Variants in VWA3A observed in about 807,000 individuals in gnomAD.
VWA3A encodes the protein von Willebrand factor A domain-containing protein 3A.
In VWA3A, 134 loss-of-function variants were observed where a neutral mutation model predicts 160.4. The observed-to-expected ratio is 0.84, with a 90% confidence interval of 0.73 to 0.96. The LOEUF is 0.96. VWA3A is among the 40% of genes least tolerant of loss of function. The pLI is 0.00. For synonymous variants in VWA3A, 476 were observed against 543.4 expected (o/e 0.88, Z 1.72); for missense variants, 1,310 against 1,447.9 (o/e 0.90, Z 1.55).
intron 24 of VWA3A, among the ~76,000 whole-genome samples, chr16:22,142,351 G>T (rs2046165671): frequency 6.6e-6 from 1 of 152,122 alleles, no homozygotes; most frequent in African/African-American, 2.4e-5. Flanking sequence ...AGAGCTTCAG[G>T]CTGCTTCCAC....
intron 12 of VWA3A, among the ~76,000 whole-genome samples, chr16:22,120,348 C>T (rs974806238): frequency 5.9e-5 from 9 of 152,084 alleles, no homozygotes; most frequent in Admixed American, 5.9e-4. Flanking sequence ...TTAAAACTAG[C>T]TCATTATGGT....
At chr16:22,109,378 AG>A in intron 6 of VWA3A, 103 bp from the exon 7 acceptor site, 1 of 906,726 alleles carries the variant, frequency 1.1e-6, no homozygotes, top group South Asian at 1.5e-5. Flanking sequence ...GCTGCTTGTT[AG>A]GGGTGAGGAA....
intron 25 of VWA3A, among the ~76,000 whole-genome samples, chr16:22,143,871 G>A (rs2046199106): frequency 6.6e-6 from 1 of 151,526 alleles, no homozygotes; most frequent in African/African-American, 2.4e-5. Flanking sequence ...CTCCCAAGTA[G>A]CTGGGATTAC....
chr16:22,146,157 T>G (rs1325328548), intron 26 of VWA3A, 79 bp from the exon 27 acceptor site: 2 of 1,164,638 alleles, frequency 1.7e-6, no homozygotes, highest in East Asian at 5.1e-5. Context: ...CACAATGGAA[T>G]AAACAATTTT....
At position 22,118,936 on chromosome 16, in the gene VWA3A, C is replaced by A. The variant is rs748669771; in HGVS notation, c.1025C>A (p.Ala342Glu). The change falls in exon 12 of 34, where the codon GCA (alanine) becomes GAA (glutamate). Residue 342 changes from alanine to glutamate, a missense_variant. Coordinates refer to ENST00000389398, the MANE Select transcript of VWA3A (RefSeq NM_173615.5). The part of the protein sequence containing the change: ...YTSRDMDELL[A>E]EIQKAQSLLS... ...AGCCGGGACATGGATGAGCTCCTGG[C>A]AGAAATTCAGAAGGCCCAGAGCCTC... 4.3e-6 allele frequency: 7 copies of A among 1,613,826 alleles called. No individual in the cohort carries two copies. In the Admixed American group the frequency reaches 6.7e-5, roughly 15 times the overall value.
At chr16:22,125,568 C>T (rs553976125) in intron 16 of VWA3A, among the ~76,000 whole-genome samples, 79 of 151,960 alleles carry the variant, frequency 5.2e-4, no homozygotes, top group African/African-American at 1.8e-3. Flanking sequence ...GGACTACAGT[C>T]GCCCGCCACC....
chr16:22,139,640 AGTCG>A (rs1350517956), intron 22 of VWA3A, among the ~76,000 whole-genome samples: 1 of 152,142 alleles, frequency 6.6e-6, no homozygotes, highest in African/African-American at 2.4e-5. Context: ...GTTTGCAGTG[AGTCG>A]AGATCACGCC....
chr16:22,120,300 T>A (rs1311638291), intron 12 of VWA3A, among the ~76,000 whole-genome samples: 1 of 152,156 alleles, frequency 6.6e-6, no homozygotes, highest in Non-Finnish European at 1.5e-5. Context: ...TGATTTTAGG[T>A]GGTGCATGGA....
intron 27 of VWA3A, chr16:22,147,664 C>T (rs1456217174): frequency 1.4e-6 from 1 of 702,852 alleles, no homozygotes; most frequent in Non-Finnish European, 2.6e-6. Context: ...AGGTCAGAGG[C>T]TGAGCTGGGA....
chr16:22,101,193 G>T (rs943701089), intron 5 of VWA3A, among the ~76,000 whole-genome samples: 1 of 151,940 alleles, frequency 6.6e-6, no homozygotes, highest in African/African-American at 2.4e-5. Flanking sequence ...GAAGTTCGAG[G>T]CTGCAGTGAG....
chr16:22,129,367 C>T (rs569712095), intron 17 of VWA3A, among the ~76,000 whole-genome samples: 259 of 127,242 alleles, frequency 2.0e-3, no homozygotes, highest in African/African-American at 7.7e-3. Context: ...CCAGCCTGGG[C>T]GACACAGCGA....
chr16:22,113,386 T>TTTTTTTTTTTG (rs2045584424), intron 8 of VWA3A, among the ~76,000 whole-genome samples: 2 of 130,664 alleles, frequency 1.5e-5, no homozygotes, highest in African/African-American at 2.9e-5. Context: ...TTTTTTTTTT[T>TTTTTTTTTTTG]TTTTTTTTTT....
intron 17 of VWA3A, among the ~76,000 whole-genome samples, chr16:22,129,798 A>C (rs1177742641): frequency 1.3e-5 from 2 of 152,252 alleles, no homozygotes; most frequent in South Asian, 2.1e-4. Flanking sequence ...GGAACCACCA[A>C]AAGAACACAA....
At chr16:22,134,233 C>T in intron 20 of VWA3A, 135 bp from the exon 21 acceptor site, 1 of 651,476 alleles carries the variant, frequency 1.5e-6, no homozygotes, top group Non-Finnish European at 2.6e-6. Context: ...CTCCCAAATG[C>T]TGGGATTACA....
chr16:22,102,467 C>A (rs1036310334), intron 5 of VWA3A, among the ~76,000 whole-genome samples: 1 of 152,126 alleles, frequency 6.6e-6, no homozygotes. Context: ...TTTCCAAAGA[C>A]CTTTTTTGTC....
At position 22,100,437 on chromosome 16, in the gene VWA3A, G is replaced by A; in HGVS notation, c.372G>A (p.Val124=). 6.4e-7 allele frequency: 1 copy of A among 1,551,602 alleles called. No homozygotes were observed. The highest frequency in any genetic ancestry group is 8.7e-7 in the Non-Finnish European group (1 of 1,146,986). The change falls in exon 5 of 34, where the codon GTG becomes GTA. Residue 124 remains valine (V), a synonymous_variant. Coordinates refer to ENST00000389398, the MANE Select transcript of VWA3A (RefSeq NM_173615.5). ...TCAGGGAGGAGGGCACCAATGTCGT[G>A]CAGAAAATATGTTTCTCCACCCAGA... is the stretch of plus-strand genomic sequence containing the variant. ...TEVLEEGTNV[V]QKICFSTQII...
intron 12 of VWA3A, 123 bp from the exon 13 acceptor site, chr16:22,120,845 C>T: frequency 8.1e-7 from 1 of 1,235,482 alleles, no homozygotes; most frequent in Non-Finnish European, 1.1e-6. Flanking sequence ...GGCAAAACTG[C>T]CTTTAATCTA....
intron 30 of VWA3A, among the ~76,000 whole-genome samples, chr16:22,151,641 G>A (rs1347920468): frequency 1.3e-5 from 2 of 152,156 alleles, no homozygotes; most frequent in Admixed American, 6.6e-5. Context: ...GGAGACTGAG[G>A]TGGGAGGATC....
chr16:22,152,564 AC>A lies in VWA3A; in HGVS notation c.3336del (p.Cys1113AlafsTer15), dbSNP rs1399591038. 8 of 1,612,410 alleles carry A rather than the reference AC, an allele frequency of 5.0e-6. No individual in the cohort carries two copies. The African/African-American group carries it at 1.1e-4, about 22-fold the overall frequency. ...GCTTCCTTCACCGGCGGACGCTATC[AC>A]TGCCCTGTGGGTGAGGACACACTCT... ...KLASFTGGRY[H>X]CPVGEDTLSK... On this transcript the variant is annotated frameshift_variant, in exon 31 of 34. Coordinates refer to ENST00000389398, the MANE Select transcript of VWA3A (RefSeq NM_173615.5). LOFTEE classifies it high-confidence loss of function.
Sources: gnomAD v4.1 joint callset for allele counts (sites outside exome capture counted in the v4.1 genomes callset) on GRCh38, gnomAD v4.1.1 for gene constraint, MANE v1.5 for transcripts, NCBI Gene and HGNC (gene_info 2026-07-23, HGNC 2026-07-21) for gene names.